PCM1: variants seen among roughly 807,000 people sequenced by gnomAD.
PCM1 encodes pericentriolar material 1 protein.
A neutral mutation model predicts 241.9 loss-of-function variants in PCM1; 157 were observed. The observed-to-expected ratio is 0.65, with a 90% CI of 0.57 to 0.74. PCM1 has a LOEUF of 0.74. Ranked by LOEUF, PCM1 falls within the 30% of genes least tolerant of loss-of-function variation. PCM1 has a pLI of 0.00. For missense variants in PCM1, 3,478 were observed against 2,360.1 expected, an observed-to-expected ratio of 1.47 and a Z score of -9.81; for synonymous variants, 1,085 against 784.9, an observed-to-expected ratio of 1.38 and a Z score of -6.39.
chr8:17,995,657 G>GT (rs1279627449), intron 29 of PCM1, among the ~76,000 whole-genome samples: 7 of 149,888 alleles, frequency 4.7e-5, no homozygotes, highest in African/African-American at 1.8e-4. Context: ...GCTTCGGGGA[G>GT]TACAGACATT....
chr8:17,960,206 T>C, intron 14 of PCM1, 41 bp downstream of exon 14: 1 of 1,548,068 alleles, frequency 6.5e-7, no homozygotes. Flanking sequence ...TAATAAAAAT[T>C]TAGTGCCTGT....
At chr8:17,934,231 G>C (rs1288659591) in intron 2 of PCM1, among the ~76,000 whole-genome samples, 1 of 151,370 alleles carries the variant, frequency 6.6e-6, no homozygotes, top group Non-Finnish European at 1.5e-5. Context: ...AAGCAACTTG[G>C]ATTTTTATCA....
At chr8:17,990,312 A>G (rs2084113441) in intron 27 of PCM1, among the ~76,000 whole-genome samples, 1 of 152,074 alleles carries the variant, frequency 6.6e-6, no homozygotes, top group Non-Finnish European at 1.5e-5. Context: ...GTTTAAGGTC[A>G]TCTAGTTAAT....
Position 18,018,725 on chromosome 8 carries a change from C to T in PCM1, c.5841+3885C>T, listed in dbSNP as rs1399728449. On this transcript the variant is annotated intron_variant, in intron 36 of 38. Coordinates refer to ENST00000325083, the MANE Select transcript of PCM1 (RefSeq NM_006197.4). The stretch of plus-strand genomic sequence containing the variant: ...ACTCAGGAGACTGAGGCAGGAGAAT[C>T]GCTTGAACCCGGGAGGTGGAGGTTG... Among the ~76,000 whole-genome samples, 7 of 150,926 alleles carry T rather than the reference C, an allele frequency of 4.6e-5. No homozygotes were observed. The East Asian group carries it at 9.8e-4, about 21-fold the overall frequency.
chr8:18,015,833 T>C (rs2093119489), intron 36 of PCM1: 1 of 152,210 alleles, frequency 6.6e-6, no homozygotes, highest in African/African-American at 2.4e-5. Flanking sequence ...AGGTCCTGGG[T>C]AAGTCCCTCT....
At chr8:17,923,491 C>T (rs1409465215) in intron 1 of PCM1, among the ~76,000 whole-genome samples, 2 of 152,204 alleles carry the variant, frequency 1.3e-5, no homozygotes, top group East Asian at 3.9e-4. Flanking sequence ...TTCTGCGTCC[C>T]GGTGGCTCCG....
chr8:17,937,560 G>C (rs1348173118), intron 4 of PCM1, among the ~76,000 whole-genome samples, 181 bp downstream of exon 4: 1 of 152,120 alleles, frequency 6.6e-6, no homozygotes, highest in South Asian at 2.1e-4. Flanking sequence ...AGGAAATGAA[G>C]TCCCATTTCT....
chr8:17,957,981 G>GC (rs947961113), intron 13 of PCM1, among the ~76,000 whole-genome samples: 4 of 152,178 alleles, frequency 2.6e-5, no homozygotes, highest in African/African-American at 9.7e-5. Context: ...GATAGTTGCG[G>GC]CTTTGTGGCG....
At chr8:18,016,022 G>C (rs1250585916) in intron 36 of PCM1, among the ~76,000 whole-genome samples, 1 of 152,180 alleles carries the variant, frequency 6.6e-6, no homozygotes. Context: ...CCGAGTAGCT[G>C]GGATTACAGA....
intron 29 of PCM1, among the ~76,000 whole-genome samples, chr8:18,001,528 T>C (rs980869743): frequency 6.6e-6 from 1 of 152,108 alleles, no homozygotes; most frequent in African/African-American, 2.4e-5. Context: ...GATGGAGACA[T>C]GTGCAACAAA....
intron 7 of PCM1, among the ~76,000 whole-genome samples, chr8:17,950,369 C>T (rs1683328670): frequency 6.6e-6 from 1 of 152,148 alleles, no homozygotes; most frequent in Non-Finnish European, 1.5e-5. Context: ...TAGTAACCCT[C>T]CTTGTATGTT....
chr8:17,975,757 C>CT (rs1419446741), intron 23 of PCM1, among the ~76,000 whole-genome samples: 1 of 152,082 alleles, frequency 6.6e-6, no homozygotes, highest in Non-Finnish European at 1.5e-5. Context: ...TCTCATATAA[C>CT]TTTGTTTCCC....
At chr8:18,005,957 C>T (rs2091185071) in intron 29 of PCM1, 1 of 224,822 alleles carries the variant, frequency 4.4e-6, no homozygotes, top group Non-Finnish European at 8.7e-6. Context: ...TGGAAACTAG[C>T]ATGAATAGTT....
At position 18,013,949 on chromosome 8, in the gene PCM1, AT is replaced by A; in HGVS notation, c.5512-10del. The stretch of plus-strand genomic sequence containing the variant: ...ATATTTCAGGCCCTGCTATTAAAAC[AT>A]TTTTCCCTTCTAGGTCCTACAACGT... On this transcript the variant is annotated splice_polypyrimidine_tract_variant and intron_variant, in intron 34 of 38. Coordinates refer to ENST00000325083, the MANE Select transcript of PCM1 (RefSeq NM_006197.4). 5.1e-6 allele frequency: 8 copies of A among 1,558,920 alleles called. No homozygotes were observed. Among genetic ancestry groups the A allele is most frequent in the Non-Finnish European group, 6.1e-6 (7 of 1,141,110 alleles).
intron 34 of PCM1, among the ~76,000 whole-genome samples, chr8:18,013,409 A>G (rs2092756692): frequency 6.6e-6 from 1 of 152,136 alleles, no homozygotes; most frequent in African/African-American, 2.4e-5. Context: ...TTTGGGGCTC[A>G]CTAGTTTAAT....
chr8:18,028,398 A>C lies in PCM1; in HGVS notation c.*736A>C, dbSNP rs394923. Reference sequence around the variant, plus strand: ...ACTAAAAGTAAAAAAAATAAGCTTTATATAATTAGGGAGATTTCTGCACAG... The same window carrying C: ...ACTAAAAGTAAAAAAAATAAGCTTTCTATAATTAGGGAGATTTCTGCACAG... On this transcript the variant is annotated 3_prime_UTR_variant, in exon 39 of 39. Coordinates refer to ENST00000325083, the MANE Select transcript of PCM1 (RefSeq NM_006197.4). 143,250 of 192,776 alleles carry C rather than the reference A, an allele frequency of 0.74. 53,848 individuals are homozygous for C. The highest frequency in any genetic ancestry group is 0.81 in the African/African-American group (34,713 of 43,100). The allele number at this position is 192,776 out of a possible 1,614,324, so 11.9% of individuals were successfully genotyped here.
At chr8:17,972,801 C>G (rs1587422929) in intron 23 of PCM1, 114 bp downstream of exon 23, 1 of 466,934 alleles carries the variant, frequency 2.1e-6, no homozygotes, top group African/African-American at 2.0e-5. Flanking sequence ...CTGTTCTAGA[C>G]TTAGTTGAAC....
intron 29 of PCM1, among the ~76,000 whole-genome samples, chr8:17,995,869 G>A (rs990166942): frequency 9.2e-5 from 14 of 152,024 alleles, no homozygotes; most frequent in Admixed American, 7.9e-4. Flanking sequence ...TGATTTTTGT[G>A]TGTTGACTTT....
At chr8:17,988,018 C>T (rs2083191160) in intron 26 of PCM1, among the ~76,000 whole-genome samples, 1 of 151,524 alleles carries the variant, frequency 6.6e-6, no homozygotes, top group South Asian at 2.1e-4. Flanking sequence ...CCTCTCTTGC[C>T]TAGGGAAGAG....
Sources: allele counts gnomAD v4.1 joint callset (sites outside exome capture counted in the v4.1 genomes callset), GRCh38; gene constraint gnomAD v4.1.1; transcripts MANE v1.5; gene names NCBI Gene and HGNC (gene_info 2026-07-23, HGNC 2026-07-21).